BRD3: variants seen among roughly 807,000 people sequenced by gnomAD.
BRD3 encodes bromodomain containing 3.
In BRD3, 17 loss-of-function variants were observed where a neutral mutation model predicts 66.8. That is an observed-to-expected ratio of 0.25 (90% CI 0.17 to 0.38). BRD3 has a LOEUF of 0.38. Ranked by LOEUF, BRD3 falls within the 10% of genes least tolerant of loss-of-function variation. The pLI, the probability that BRD3 is intolerant of heterozygous loss-of-function variation, is 1.00. For synonymous variants in BRD3, 421 were observed against 393.2 expected, an observed-to-expected ratio of 1.07 and a Z score of -0.84; for missense variants, 713 against 956.1, an observed-to-expected ratio of 0.75 and a Z score of 3.35.
intron 6 of BRD3, among the ~76,000 whole-genome samples, chr9:134,046,961 A>C (rs1830184177): frequency 6.6e-6 from 1 of 152,212 alleles, no homozygotes; most frequent in African/African-American, 2.4e-5. Context: ...AATTCCTGTT[A>C]ACTGTGCTAT....
intron 10 of BRD3, 98 bp from the exon 11 acceptor site, chr9:134,034,927 G>C (rs1285741961): frequency 1.1e-5 from 17 of 1,542,858 alleles, no homozygotes; most frequent in Non-Finnish European, 1.5e-5. Flanking sequence ...CCTGCACACT[G>C]GCATCCATGC....
intron 7 of BRD3, among the ~76,000 whole-genome samples, chr9:134,042,372 T>C (rs1830068605): frequency 6.6e-6 from 1 of 152,162 alleles, no homozygotes; most frequent in Admixed American, 6.5e-5. Context: ...TCTTCCCATC[T>C]CTTCACCCCG....
In BRD3 at chr9:134,033,127, G is replaced by C. The variant is rs1485952096; in HGVS notation, c.*463C>G. ...AAAGAGGTGGCCGCGTCAGACACGA[G>C]GGTCAGAGCTCGGGGCCCAAATGAC... On this transcript the variant is annotated 3_prime_UTR_variant, in exon 12 of 12. Transcript: ENST00000303407. This position sits in a 1 kb window ranked among gnomAD's most constrained non-coding sequence, Gnocchi z 5.1. The C allele has an allele frequency of 2.5e-6, 1 of 399,546 alleles. No individual in the cohort carries two copies. The highest frequency in any genetic ancestry group is 2.1e-5 in the African/African-American group (1 of 48,624). The allele number at this position is 399,546 out of a possible 1,614,324, so 24.8% of individuals were successfully genotyped here. A position where few individuals can be genotyped will look rare whatever the true frequency, so the allele number is the denominator to read the frequency against.
At position 134,048,371 on chromosome 9, in the gene BRD3, C is replaced by T. The variant is rs200249343; in HGVS notation, c.798G>A (p.Pro266=). Residue 266 remains proline (P), a synonymous_variant, in exon 6 of 12, where the codon CCG becomes CCA. Coordinates refer to ENST00000303407, the MANE Select transcript of BRD3 (RefSeq NM_007371.4). Reference sequence around the variant, plus strand: ...CTTTGGCCTGCTTGGGGTCTGACAACGGCGGGGGCGACTCACTCCGGCTGG... The same window carrying T: ...CTTTGGCCTGCTTGGGGTCTGACAATGGCGGGGGCGACTCACTCCGGCTGG... ...ITASRSESPP[P]LSDPKQAKVV... The T allele has an allele frequency of 6.3e-5, 101 of 1,598,312 alleles. 1 individual carries two copies. The highest frequency in any genetic ancestry group is 1.5e-4 in the South Asian group (14 of 91,076).
rs147577802 is a variant in BRD3, at chr9:134,045,125, A to T, written c.1215+168T>A. Among the ~76,000 whole-genome samples, 639 of 152,328 alleles carry T rather than the reference A, an allele frequency of 4.2e-3. 2 individuals are homozygous for T. Among genetic ancestry groups the T allele is most frequent in the Non-Finnish European group, 6.7e-3 (454 of 68,030 alleles). On this transcript the variant is annotated intron_variant, in intron 7 of 11. Transcript: ENST00000303407. This position sits in a 1 kb window ranked among gnomAD's most constrained non-coding sequence, Gnocchi z 4.8. ...AGTGGCAGCTCCTGGAACCCAGCTC[A>T]GAGCCTGACAGGGACCTGGTTGGCA...
intron 1 of BRD3, among the ~76,000 whole-genome samples, chr9:134,066,260 G>A (rs982234842): frequency 3.3e-5 from 5 of 152,144 alleles, no homozygotes; most frequent in African/African-American, 7.2e-5. Context: ...TCGCTCGCCT[G>A]CAGCCCGTCC....
At chr9:134,048,879 G>A (rs1168195608) in intron 5 of BRD3, among the ~76,000 whole-genome samples, 1 of 152,212 alleles carries the variant, frequency 6.6e-6, no homozygotes, top group Non-Finnish European at 1.5e-5. Context: ...CTGCTTCCAG[G>A]AAAGTTCCAG....
chr9:134,041,480 C>T (rs1426479196), intron 8 of BRD3, among the ~76,000 whole-genome samples: 2 of 152,210 alleles, frequency 1.3e-5, no homozygotes. Flanking sequence ...GCAAGGCACA[C>T]ATAACCACAC....
At position 134,050,418 on chromosome 9, in the gene BRD3, T is replaced by C; in HGVS notation, c.670A>G (p.Thr224Ala). 1 of 1,611,654 alleles carries C rather than the reference T, an allele frequency of 6.2e-7. No homozygotes were observed. The highest frequency in any genetic ancestry group is 2.2e-5 in the East Asian group (1 of 44,842). The change falls in exon 5 of 12, where the codon ACA (threonine) becomes GCA (alanine). Residue 224 changes from threonine to alanine, a missense_variant. By Grantham distance (58) the Thr-to-Ala change is moderately conservative. Coordinates refer to ENST00000303407, the MANE Select transcript of BRD3 (RefSeq NM_007371.4). ...PPAAAPPPPA[T>A]PIVPVVPPTP... is the part of the protein sequence containing the mutation. ...GGAGGGACCACGGGGACGATGGGTG[T>C]GGCAGGAGGAGGTGGGGCGGCAGCT...
chr9:134,036,699 A>G (rs979493890), intron 9 of BRD3: 12 of 976,030 alleles, frequency 1.2e-5, no homozygotes, highest in Non-Finnish European at 1.8e-5. Flanking sequence ...AATTATATCA[A>G]TAATTATGTG....
At chr9:134,060,868 A>T (rs1830526976) in intron 1 of BRD3, among the ~76,000 whole-genome samples, 1 of 152,104 alleles carries the variant, frequency 6.6e-6, no homozygotes, top group African/African-American at 2.4e-5. Context: ...AACCCTTCCC[A>T]AGGTCCCTGG....
chr9:134,031,053 TGAAAA>T lies in BRD3; in HGVS notation c.*2532_*2536del, dbSNP rs1413679417. On this transcript the variant is annotated 3_prime_UTR_variant, in exon 12 of 12. Coordinates refer to ENST00000303407, the MANE Select transcript of BRD3 (RefSeq NM_007371.4). ...GGAAGTCATTAATCCTTCGAAACTC[TGAAAA>T]GAAACCAGTGTTGAAGTCTGGACAG... 1.3e-5 allele frequency: 3 copies of T among 230,294 alleles called. No individual in the cohort carries two copies. The highest frequency in any genetic ancestry group is 6.6e-5 in the African/African-American group (3 of 45,120). 14.3% of individuals were successfully genotyped at this position (230,294 alleles called of 1,614,324 possible). A position where few individuals can be genotyped will look rare whatever the true frequency, so the allele number is the denominator to read the frequency against.
In BRD3 at chr9:134,045,854, A is replaced by G. The variant is rs979515704; in HGVS notation, c.1087-433T>C. ...TCCACCAACAACAGGGGGCCTGCTC[A>G]GTCTACACAAGGAAATGTAATTTTT... is the stretch of plus-strand genomic sequence containing the variant. On this transcript the variant is annotated intron_variant, in intron 6 of 11. Coordinates refer to ENST00000303407, the MANE Select transcript of BRD3 (RefSeq NM_007371.4). This position sits in a 1 kb window ranked among gnomAD's most constrained non-coding sequence, Gnocchi z 4.8. Among the ~76,000 whole-genome samples, 3 of 152,140 alleles carry G rather than the reference A, an allele frequency of 2.0e-5. No homozygotes were observed. The highest frequency in any genetic ancestry group is 4.4e-5 in the Non-Finnish European group (3 of 68,000).
chr9:134,035,769 GGCAC>G (rs1311014337), intron 10 of BRD3, among the ~76,000 whole-genome samples: 2 of 152,266 alleles, frequency 1.3e-5, no homozygotes, highest in African/African-American at 2.4e-5. Flanking sequence ...TTAAGGCCAA[GGCAC>G]GCAGTGCTGC....
intron 3 of BRD3, 106 bp from the exon 4 acceptor site, chr9:134,051,815 T>G: frequency 7.9e-7 from 1 of 1,269,870 alleles, no homozygotes; most frequent in Non-Finnish European, 1.1e-6. Context: ...TGTTAACAGA[T>G]TTGGCAGCGC....
At chr9:134,062,566 A>G (rs1042090700) in intron 1 of BRD3, among the ~76,000 whole-genome samples, 1 of 152,028 alleles carries the variant, frequency 6.6e-6, no homozygotes, top group African/African-American at 2.4e-5. Flanking sequence ...TGACGCCCCC[A>G]CAGCCTTCTG....
intron 1 of BRD3, among the ~76,000 whole-genome samples, chr9:134,059,614 CA>C (rs1477418286): frequency 6.6e-6 from 1 of 152,218 alleles, no homozygotes; most frequent in African/African-American, 2.4e-5. Context: ...TCTTGGGGAA[CA>C]GGGGGGCCCC....
chr9:134,053,271 G>A lies in BRD3; in HGVS notation c.207C>T (p.Asn69=). The A allele has an allele frequency of 6.2e-7, 1 of 1,613,394 alleles. No homozygotes were observed. The highest frequency in any genetic ancestry group is 8.5e-7 in the Non-Finnish European group (1 of 1,180,032). ...FYQPVDAIKL[N]LPDYHKIIKN... is the part of the protein sequence containing the mutation. ...GGAGGCAGCAGCTACGCACCGGCAG[G>A]TTCAATTTGATTGCGTCCACGGGCT... is the stretch of plus-strand genomic sequence containing the variant. Residue 69 remains asparagine (N), a synonymous_variant, in exon 2 of 12, where the codon AAC becomes AAT. Coordinates refer to ENST00000303407, the MANE Select transcript of BRD3 (RefSeq NM_007371.4).
chr9:134,040,874 T>C (rs532139958), intron 8 of BRD3, among the ~76,000 whole-genome samples: 2 of 152,312 alleles, frequency 1.3e-5, no homozygotes, highest in African/African-American at 4.8e-5. Context: ...GCAGCTGGCA[T>C]TGTGCCAAGC....
Sources: gnomAD v4.1 joint callset for allele counts (sites outside exome capture counted in the v4.1 genomes callset) on GRCh38, gnomAD v4.1.1 for gene constraint, Gnocchi (gnomAD v3.1) non-coding constraint, MANE v1.5 for transcripts, NCBI Gene and HGNC (gene_info 2026-07-23, HGNC 2026-07-21) for gene names.